RIPPLY1: variants seen among roughly 807,000 people sequenced by gnomAD.
RIPPLY1 encodes the protein ripply transcriptional repressor 1.
Under a neutral mutation model 8.7 loss-of-function variants are expected in RIPPLY1, and 10 were observed. The observed-to-expected ratio is 1.15, with a 90% CI of 0.71 to 1.94. The LOEUF (loss-of-function observed/expected upper bound fraction) is 1.94. Among genes scored for constraint, RIPPLY1 ranks in the 30% most tolerant of loss-of-function variants. The pLI is 0.00. For missense variants in RIPPLY1, 118 were observed against 108.7 expected, an observed-to-expected ratio of 1.09 and a Z score of -0.38; for synonymous variants, 54 against 44.8, an observed-to-expected ratio of 1.20 and a Z score of -0.82.
chrX:106,902,292 C>G (rs1933113738), intron 1 of RIPPLY1, 77 bp from the exon 2 acceptor site: 1 of 899,888 alleles, frequency 1.1e-6, no homozygotes, highest in Non-Finnish European at 1.6e-6. Flanking sequence ...AGAGACCTCC[C>G]AAAAGCTTGG....
chrX:106,900,951 G>A (rs890740769), intron 3 of RIPPLY1, 43 bp from the exon 4 acceptor site: 7 of 1,168,376 alleles, frequency 6.0e-6, no homozygotes, highest in Non-Finnish European at 6.8e-6. Flanking sequence ...GGTGTCATAT[G>A]TGCAGAGGGG....
chrX:106,901,433 T>C (rs756290638), intron 3 of RIPPLY1, 41 bp downstream of exon 3: 3 of 1,144,641 alleles, frequency 2.6e-6, no homozygotes, highest in Non-Finnish European at 2.4e-6. Context: ...AAAGAGCTAA[T>C]GGATCTATGT....
chrX:106,900,534 G>A lies in RIPPLY1; in HGVS notation c.*215C>T, dbSNP rs1933074428. ...GCCAGGGTGAGCTGGGCAGCTAGAT[G>A]ACCCAATTTTCAGTCCAGAAAGCTC... On this transcript the variant is annotated 3_prime_UTR_variant, in exon 4 of 4. Transcript: ENST00000276173. The A allele has an allele frequency of 8.7e-6, 5 of 571,575 alleles. No homozygotes were observed. Among genetic ancestry groups the A allele is most frequent in the Non-Finnish European group, 1.3e-5 (5 of 395,983 alleles). 47.1% of individuals were successfully genotyped at this position (571,575 alleles called of 1,213,427 possible). A position where few individuals can be genotyped will look rare whatever the true frequency, so the allele number is the denominator to read the frequency against.
In RIPPLY1 at chrX:106,901,527, C is replaced by G; in HGVS notation, c.243G>C (p.Gly81=). ...MRKLVDLAAG[G]ATAAEVTKAE... ...CCTTGGTGACCTCAGCAGCCGTTGC[C>G]CCACCAGCAGCCTGTCCAAAGCAAA... is the stretch of plus-strand genomic sequence containing the variant. The change falls in exon 3 of 4, where the codon GGG becomes GGC. Residue 81 remains glycine (G), a synonymous_variant. Coordinates refer to ENST00000276173, the MANE Select transcript of RIPPLY1 (RefSeq NM_138382.3). 1 of 1,211,271 alleles carries G rather than the reference C, an allele frequency of 8.3e-7. No individual in the cohort carries two copies. Among genetic ancestry groups the G allele is most frequent in the African/African-American group, 1.7e-5 (1 of 57,762 alleles).
rs371861405 is a variant in RIPPLY1 at position 106,903,292 on chromosome X, A to C, written c.-5T>G. On this transcript the variant is annotated 5_prime_UTR_variant, in exon 1 of 4. Transcript: ENST00000276173. ...AGCACAGGCAGCAGAGTCCATTCTTAGGGGACCAAAGCCAGTGGGGTCTCC... is the reference window on the plus strand; with the variant it reads ...AGCACAGGCAGCAGAGTCCATTCTTCGGGGACCAAAGCCAGTGGGGTCTCC... The C allele has an allele frequency of 8.4e-6, 10 of 1,192,273 alleles. No homozygotes were observed. Among genetic ancestry groups the C allele is most frequent in the Non-Finnish European group, 1.1e-5 (10 of 884,710 alleles).
At position 106,900,785 on chromosome X, in the gene RIPPLY1, C is replaced by CTCT. The variant is rs754067343; in HGVS notation, c.417_419dup (p.Glu141dup). On this transcript the variant is annotated inframe_insertion, in exon 4 of 4. Transcript: ENST00000276173. ...CTTCATCCTCCTGCTCTTCATCTTC[C>CTCT]TCTTCTTCTTCGCTGTCTGAGTCCT... 8.3e-7 allele frequency: 1 copy of CTCT among 1,211,154 alleles called. No homozygotes were observed. The highest frequency in any genetic ancestry group is 3.0e-5 in the East Asian group (1 of 33,831).
At chrX:106,902,281 A>G in intron 1 of RIPPLY1, 66 bp from the exon 2 acceptor site, 1 of 947,458 alleles carries the variant, frequency 1.1e-6, no homozygotes, top group Non-Finnish European at 1.5e-6. Context: ...CTGAGATAAC[A>G]AGAGACCTCC....
At chrX:106,903,056 G>C in intron 1 of RIPPLY1, 77 bp downstream of exon 1, 1 of 1,101,260 alleles carries the variant, frequency 9.1e-7, no homozygotes, top group South Asian at 1.9e-5. Context: ...AGGGTGCCCT[G>C]GACATCTCAT....
At chrX:106,901,381 A>G (rs1602451274) in intron 3 of RIPPLY1, 93 bp downstream of exon 3, 1 of 878,333 alleles carries the variant, frequency 1.1e-6, no homozygotes, top group East Asian at 3.1e-5. Context: ...ATAGATAGCA[A>G]TTCCTCCCCT....
intron 3 of RIPPLY1, 110 bp from the exon 4 acceptor site, chrX:106,901,018 G>A: frequency 1.9e-6 from 2 of 1,070,757 alleles, no homozygotes; most frequent in South Asian, 2.6e-5. Context: ...CTGCAACAAT[G>A]AGGTCAGAGG....
intron 1 of RIPPLY1, among the ~76,000 whole-genome samples, 177 bp from the exon 2 acceptor site, chrX:106,902,392 A>T (rs1478740143): frequency 8.9e-6 from 1 of 111,736 alleles, no homozygotes; most frequent in African/African-American, 3.3e-5. Flanking sequence ...CAGCAATGTT[A>T]TTATTGCTTT....
At position 106,900,422 on chromosome X, in the gene RIPPLY1, G is replaced by C; in HGVS notation, c.*327C>G. 5.7e-6 allele frequency: 1 copy of C among 175,708 alleles called. No individual in the cohort carries two copies. Among genetic ancestry groups the C allele is most frequent in the East Asian group, 1.3e-4 (1 of 7,556 alleles). The allele number at this position is 175,708 out of a possible 1,213,427, so 14.5% of individuals were successfully genotyped here. ...GGGGCTTCAGCAAGCCTTCCTTCTA[G>C]AGCTCCTAGAACCCTCCCATGGTCA... is the stretch of plus-strand genomic sequence containing the variant. On this transcript the variant is annotated 3_prime_UTR_variant, in exon 4 of 4. Coordinates refer to ENST00000276173, the MANE Select transcript of RIPPLY1 (RefSeq NM_138382.3).
chrX:106,900,378 T>G lies in RIPPLY1; in HGVS notation c.*371A>C. The G allele has an allele frequency of 7.3e-6, 1 of 137,505 alleles. No individual in the cohort carries two copies. The highest frequency in any genetic ancestry group is 1.4e-5 in the Non-Finnish European group (1 of 70,556). 11.3% of individuals were successfully genotyped at this position (137,505 alleles called of 1,213,427 possible). A position where few individuals can be genotyped will look rare whatever the true frequency, so the allele number is the denominator to read the frequency against. The stretch of plus-strand genomic sequence containing the variant: ...TACTTCCCTCCACAAGGGCATTCCC[T>G]GCCCTGCTCTGCTTCCTGGGGGCTT... On this transcript the variant is annotated 3_prime_UTR_variant, in exon 4 of 4. Coordinates refer to ENST00000276173, the MANE Select transcript of RIPPLY1 (RefSeq NM_138382.3).
rs765447238 is a variant in RIPPLY1, at chrX:106,903,261, A to G, written c.27T>C (p.Ala9=). 17 of 1,207,034 alleles carry G rather than the reference A, an allele frequency of 1.4e-5. No individual in the cohort carries two copies. In the Admixed American group the frequency reaches 2.2e-4, roughly 15 times the overall value. ...AAGCCAGGGCTGGAACAGGGGTGGC[A>G]GCAGCAGCACAGGCAGCAGAGTCCA... MDSAACAA[A]ATPVPALALA... is the part of the protein sequence containing the mutation. Residue 9 remains alanine, a synonymous_variant, in exon 1 of 4, where the codon GCT becomes GCC. Transcript: ENST00000276173.
At position 106,900,740 on chromosome X, in the gene RIPPLY1, A is replaced by G. The variant is rs1179024700; in HGVS notation, c.*9T>C. On this transcript the variant is annotated 3_prime_UTR_variant, in exon 4 of 4. Coordinates refer to ENST00000276173, the MANE Select transcript of RIPPLY1 (RefSeq NM_138382.3). The stretch of plus-strand genomic sequence containing the variant: ...TCACACACCCTTCTGGCCCCTTTTC[A>G]TTGGCCTCCTACTTCTCTTCTTCAT... 30 of 1,200,829 alleles carry G rather than the reference A, an allele frequency of 2.5e-5. No homozygotes were observed. Among genetic ancestry groups the G allele is most frequent in the Non-Finnish European group, 3.3e-5 (29 of 890,662 alleles).
Position 106,900,950 on chromosome X carries a change from T to C in RIPPLY1, c.297-42A>G, listed in dbSNP as rs376055059. Reference sequence around the variant, plus strand: ...AACATGGCCCCTAACAGGTGTCATATGTGCAGAGGGGCCAGTAGGGCCAAG... The same window carrying C: ...AACATGGCCCCTAACAGGTGTCATACGTGCAGAGGGGCCAGTAGGGCCAAG... On this transcript the variant is annotated intron_variant, in intron 3 of 3. Transcript: ENST00000276173. 12 of 1,172,239 alleles carry C rather than the reference T, an allele frequency of 1.0e-5. No homozygotes were observed. In the African/African-American group the frequency reaches 1.8e-4, roughly 17 times the overall value.
chrX:106,903,164 A>G lies in RIPPLY1; in HGVS notation c.124T>C (p.Ser42Pro). The G allele has an allele frequency of 1.7e-6, 2 of 1,210,935 alleles. No homozygotes were observed. The highest frequency in any genetic ancestry group is 2.2e-6 in the Non-Finnish European group (2 of 895,017). Residue 42 changes from serine to proline, a missense_variant, in exon 1 of 4, where the codon TCC (serine) becomes CCC (proline). By Grantham distance (74) the Ser-to-Pro change is moderately conservative (BLOSUM62 -1). Coordinates refer to ENST00000276173, the MANE Select transcript of RIPPLY1 (RefSeq NM_138382.3). Reference protein sequence around the residue: ...PGLLSPSCLLSSGQEVNGSER... With the variant: ...PGLLSPSCLLPSGQEVNGSER... ...CTCCCATTTACTTCTTGTCCAGAGG[A>G]GAGAAGGCAAGATGGGCTTAACAGG...
chrX:106,903,331 C>A lies in RIPPLY1; in HGVS notation c.-44G>T. 1.8e-6 allele frequency: 2 copies of A among 1,134,550 alleles called. No individual in the cohort carries two copies. The highest frequency in any genetic ancestry group is 2.3e-6 in the Non-Finnish European group (2 of 852,670). The allele number at this position is 1,134,550 out of a possible 1,213,427, so 93.5% of individuals were successfully genotyped here. A position where few individuals can be genotyped will look rare whatever the true frequency, so the allele number is the denominator to read the frequency against. On this transcript the variant is annotated 5_prime_UTR_variant, in exon 1 of 4. The change creates a new upstream start codon in the 5' untranslated region. Transcript: ENST00000276173. ...AGTGGGGTCTCCTACTTCCCAGAAC[C>A]TTCTGCACTCTTTTGGCTTTTCCTG... is the stretch of plus-strand genomic sequence containing the variant.
At position 106,902,215 on chromosome X, in the gene RIPPLY1, T is replaced by C. The variant is rs1206938115; in HGVS notation, c.156A>G (p.Arg52=). The change falls in exon 2 of 4, where the codon AGA becomes AGG. Residue 52 remains arginine (R), a splice_region_variant and synonymous_variant. Coordinates refer to ENST00000276173, the MANE Select transcript of RIPPLY1 (RefSeq NM_138382.3). ...GCCAGGGCCTCCAGAGACAAGTTCC[T>C]CTGGGACAAAGAGGAGAGATCAATC... is the stretch of plus-strand genomic sequence containing the variant. ...SSGQEVNGSE[R]GTCLWRPWLS... is the part of the protein sequence containing the mutation. 1 of 1,174,372 alleles carries C rather than the reference T, an allele frequency of 8.5e-7. No individual in the cohort carries two copies. Among genetic ancestry groups the C allele is most frequent in the Admixed American group, 2.4e-5 (1 of 41,028 alleles).
Sources: gnomAD v4.1 joint callset for allele counts (sites outside exome capture counted in the v4.1 genomes callset) on GRCh38, gnomAD v4.1.1 for gene constraint, MANE v1.5 for transcripts, NCBI Gene and HGNC (gene_info 2026-07-23, HGNC 2026-07-21) for gene names.